The following MBNL1 variants were observed in gnomAD, a reference collection of about 807,000 sequenced individuals.
MBNL1 encodes the protein muscleblind-like protein 1.
MBNL1 carries 8 observed loss-of-function variants against 42.2 expected under a neutral mutation model. That is an observed-to-expected ratio of 0.19 (90% CI 0.11 to 0.34). The LOEUF is 0.34. Among genes scored for constraint, MBNL1 ranks in the 10% least tolerant of loss-of-function variants. The pLI, the probability that MBNL1 is intolerant of heterozygous loss-of-function variation, is 1.00. For synonymous variants in MBNL1, 169 were observed against 173.9 expected (o/e 0.97, Z 0.22); for missense variants, 309 against 495.3 (o/e 0.62, Z 3.57).
At chr3:152,451,619 A>C (rs1339304768) in intron 6 of MBNL1, among the ~76,000 whole-genome samples, 2 of 152,156 alleles carry the variant, frequency 1.3e-5, no homozygotes, top group Non-Finnish European at 2.9e-5. Context: ...ATCTAGAAAT[A>C]TTTTTGTTTA....
intron 2 of MBNL1, among the ~76,000 whole-genome samples, chr3:152,320,431 A>C (rs2075748521): frequency 6.6e-6 from 1 of 152,174 alleles, no homozygotes; most frequent in Admixed American, 6.6e-5. Flanking sequence ...TATCTTGTGC[A>C]GGCAGCACAT....
chr3:152,324,124 TC>T (rs1009592513), intron 2 of MBNL1, among the ~76,000 whole-genome samples: 6 of 152,158 alleles, frequency 3.9e-5, no homozygotes, highest in African/African-American at 1.4e-4. Flanking sequence ...TAGCAGGAAA[TC>T]ACTTACTAAT....
chr3:152,260,407 A>T (rs1361174370), intron 2 of MBNL1, among the ~76,000 whole-genome samples: 1 of 152,242 alleles, frequency 6.6e-6, no homozygotes. Flanking sequence ...CATTATCTTC[A>T]AATGAGTTTC....
At chr3:152,339,077 T>A (rs2092328660) in intron 2 of MBNL1, among the ~76,000 whole-genome samples, 1 of 152,168 alleles carries the variant, frequency 6.6e-6, no homozygotes, top group African/African-American at 2.4e-5. Flanking sequence ...CAAAAACATT[T>A]AATGAATATA....
chr3:152,351,019 A>G (rs537725202), intron 2 of MBNL1, among the ~76,000 whole-genome samples: 1 of 152,232 alleles, frequency 6.6e-6, no homozygotes, highest in Admixed American at 6.5e-5. Flanking sequence ...GAACCTCAAA[A>G]GCTGTTTCCA....
intron 3 of MBNL1, among the ~76,000 whole-genome samples, chr3:152,428,281 G>A (rs2098961971): frequency 6.6e-6 from 1 of 152,102 alleles, no homozygotes; most frequent in South Asian, 2.1e-4. Context: ...GATGCTAAAC[G>A]CAGCGTATAC....
At chr3:152,301,047 TG>T in intron 2 of MBNL1, 2 of 286,036 alleles carry the variant, frequency 7.0e-6, no homozygotes, top group Non-Finnish European at 1.0e-5. Context: ...AAAATTCTAA[TG>T]TGAATTAGCA....
chr3:152,327,910 A>G (rs1185350699), intron 2 of MBNL1, among the ~76,000 whole-genome samples: 1 of 152,028 alleles, frequency 6.6e-6, no homozygotes, highest in Non-Finnish European at 1.5e-5. Flanking sequence ...TGCTGACCCA[A>G]AGAAAAATCA....
chr3:152,423,131 T>G (rs1263322461), intron 3 of MBNL1, among the ~76,000 whole-genome samples: 1 of 152,060 alleles, frequency 6.6e-6, no homozygotes, highest in Admixed American at 6.6e-5. Flanking sequence ...AAAAAACCCT[T>G]CAAAAAATCA....
chr3:152,366,907 C>A (rs2096405916), intron 2 of MBNL1, among the ~76,000 whole-genome samples: 1 of 151,988 alleles, frequency 6.6e-6, no homozygotes, highest in African/African-American at 2.4e-5. Flanking sequence ...GAATATTAGA[C>A]ATTAATAATT....
At chr3:152,432,245 G>C (rs1261047763) in intron 3 of MBNL1, among the ~76,000 whole-genome samples, 1 of 152,068 alleles carries the variant, frequency 6.6e-6, no homozygotes, top group East Asian at 1.9e-4. Flanking sequence ...TTTATCCCCT[G>C]GGAGTTCTAC....
chr3:152,437,068 A>G (rs1013415224), intron 4 of MBNL1, among the ~76,000 whole-genome samples: 1 of 152,216 alleles, frequency 6.6e-6, no homozygotes, highest in African/African-American at 2.4e-5. Flanking sequence ...TACGTATTGA[A>G]GTCTAAAAGA....
chr3:152,380,388 A>G (rs769497179), intron 2 of MBNL1, among the ~76,000 whole-genome samples: 9 of 152,082 alleles, frequency 5.9e-5, no homozygotes, highest in Non-Finnish European at 1.3e-4. Context: ...GTTTATGGTA[A>G]GGTCTAAACG....
intron 2 of MBNL1, among the ~76,000 whole-genome samples, chr3:152,317,469 A>G (rs989880817): frequency 6.6e-6 from 1 of 151,836 alleles, no homozygotes; most frequent in African/African-American, 2.4e-5. Flanking sequence ...ACAGGCATGC[A>G]CCACCATGCC....
At chr3:152,455,924 A>G (rs977716041) in intron 7 of MBNL1, among the ~76,000 whole-genome samples, 2 of 152,234 alleles carry the variant, frequency 1.3e-5, no homozygotes, top group African/African-American at 4.8e-5. Context: ...TATGAAGTAA[A>G]TACTTGTATT....
intron 2 of MBNL1, among the ~76,000 whole-genome samples, chr3:152,344,775 C>T (rs1357730543): frequency 2.6e-5 from 4 of 152,114 alleles, no homozygotes; most frequent in African/African-American, 9.7e-5. Context: ...ATTTTGTAGA[C>T]TATAGAGTCC....
chr3:152,383,872 C>G (rs1223498164), intron 2 of MBNL1, among the ~76,000 whole-genome samples: 1 of 151,988 alleles, frequency 6.6e-6, no homozygotes, highest in Non-Finnish European at 1.5e-5. Flanking sequence ...CACCTCAAAT[C>G]CCTGTTCTAT....
chr3:152,423,498 A>G (rs1483354872), intron 3 of MBNL1, among the ~76,000 whole-genome samples: 3 of 152,248 alleles, frequency 2.0e-5, no homozygotes, highest in Non-Finnish European at 2.9e-5. Context: ...GAATTCTACC[A>G]GAGGTACAAA....
chr3:152,330,507 G>A (rs1180941770), intron 2 of MBNL1, among the ~76,000 whole-genome samples: 1 of 152,068 alleles, frequency 6.6e-6, no homozygotes. Flanking sequence ...TATGCCTATT[G>A]AAATAAAAAA....
Sources: allele counts gnomAD v4.1 joint callset (sites outside exome capture counted in the v4.1 genomes callset), GRCh38; gene constraint gnomAD v4.1.1; transcripts MANE v1.5; gene names NCBI Gene and HGNC (gene_info 2026-07-23, HGNC 2026-07-21).